ADGRG1: variants seen among roughly 807,000 people sequenced by gnomAD.
ADGRG1 encodes adhesion G protein-coupled receptor G1, also known as 7-transmembrane protein with no EGF-like N-terminal domains-1.
ADGRG1 carries 53 observed loss-of-function variants against 73.5 expected under a neutral mutation model. The observed-to-expected ratio is 0.72, with a 90% CI of 0.58 to 0.91. ADGRG1 has a LOEUF of 0.91. ADGRG1 is among the 40% of genes least tolerant of loss of function. The pLI, the probability that ADGRG1 is intolerant of heterozygous loss-of-function variation, is 0.00. For synonymous variants in ADGRG1, 394 were observed against 374.4 expected, an observed-to-expected ratio of 1.05 and a Z score of -0.60; for missense variants, 795 against 871.8, an observed-to-expected ratio of 0.91 and a Z score of 1.11.
chr16:57,660,523 G>GC (rs1567813438), intron 11 of ADGRG1: 1 of 746,778 alleles, frequency 1.3e-6, no homozygotes, highest in Non-Finnish European at 1.6e-6. Flanking sequence ...TCTCCCAGGG[G>GC]CCCCCAGGGT....
chr16:57,651,079 C>T, intron 2 of ADGRG1, 121 bp from the exon 3 acceptor site: 1 of 1,594,632 alleles, frequency 6.3e-7, no homozygotes. Flanking sequence ...TTTGTAGACC[C>T]TTGGAATGTG....
chr16:57,637,820 C>T (rs1292508775), intron 1 of ADGRG1: 1 of 489,146 alleles, frequency 2.0e-6, no homozygotes, highest in African/African-American at 2.1e-5. Flanking sequence ...TGCCAGAAAT[C>T]ATCCCAAAGC....
rs1252613333 is a variant in ADGRG1 at position 57,633,073 on chromosome 16, C to G, written c.-36+4271C>G. ...GATGCTCAAGGCCCATGGGGGAAAG[C>G]TGACTTTTGAGAGGAGCTGTGGAGA... On this transcript the variant is annotated intron_variant, in intron 1 of 13. Coordinates refer to ENST00000562631, the MANE Select transcript of ADGRG1 (RefSeq NM_201525.4). 4 of 575,008 alleles carry G rather than the reference C, an allele frequency of 7.0e-6. No homozygotes were observed. In the African/African-American group the frequency reaches 8.1e-5, roughly 12 times the overall value. The allele number at this position is 575,008 out of a possible 1,614,324, so 35.6% of individuals were successfully genotyped here. A position where few individuals can be genotyped will look rare whatever the true frequency, so the allele number is the denominator to read the frequency against.
chr16:57,644,930 C>A (rs1567723232), intron 1 of ADGRG1: 1 of 254,394 alleles, frequency 3.9e-6, no homozygotes, highest in Admixed American at 6.6e-5. Context: ...TGCACACACA[C>A]ACTCATGCAC....
At chr16:57,631,312 C>T (rs13332359) in intron 1 of ADGRG1, 256,212 of 985,342 alleles carry the variant, frequency 0.26, 34,036 homozygotes, top group East Asian at 0.4. Context: ...CACTGCGGAC[C>T]GTCCTCCAGC....
intron 5 of ADGRG1, among the ~76,000 whole-genome samples, chr16:57,654,615 C>T (rs139434514): frequency 5.9e-5 from 9 of 152,120 alleles, no homozygotes; most frequent in South Asian, 4.1e-4. Context: ...TGCAGTGGCT[C>T]ACATCTGTAA....
chr16:57,628,354 C>A, upstream of ADGRG1: 2 of 375,302 alleles, frequency 5.3e-6, no homozygotes, highest in Non-Finnish European at 3.7e-6. Flanking sequence ...GCTGAGGAAG[C>A]AGAGTGATCC....
chr16:57,652,093 G>A, intron 3 of ADGRG1: 1 of 1,041,998 alleles, frequency 9.6e-7, no homozygotes, highest in Non-Finnish European at 1.2e-6. Flanking sequence ...GCCAATGGGA[G>A]AGCCAGGATT....
chr16:57,644,802 ACTCAT>A (rs1567722008), intron 1 of ADGRG1, among the ~76,000 whole-genome samples: 1 of 142,626 alleles, frequency 7.0e-6, no homozygotes. Flanking sequence ...ATGGGCACAC[ACTCAT>A]CACTCCTCAC....
At chr16:57,647,910 C>T (rs954742104) in intron 1 of ADGRG1, 3 of 277,996 alleles carry the variant, frequency 1.1e-5, no homozygotes, top group Non-Finnish European at 1.6e-5. Flanking sequence ...CTCCTTTACT[C>T]TCAAGGGCCA....
chr16:57,648,995 G>A (rs772271983), intron 1 of ADGRG1, among the ~76,000 whole-genome samples: 1 of 152,264 alleles, frequency 6.6e-6, no homozygotes, highest in Non-Finnish European at 1.5e-5. Flanking sequence ...GAGGGTTGGA[G>A]TGGGAATCAA....
chr16:57,630,037 T>C (rs1283139326), intron 1 of ADGRG1: 1 of 982,848 alleles, frequency 1.0e-6, no homozygotes, highest in Non-Finnish European at 1.2e-6. Flanking sequence ...GCTCCTTCAG[T>C]GGACCAAGAA....
rs2046921327 is a variant in ADGRG1, at chr16:57,660,867, A to G, written c.1655A>G (p.Tyr552Cys). The G allele has an allele frequency of 6.3e-7, 1 of 1,580,688 alleles. No individual in the cohort carries two copies. The highest frequency in any genetic ancestry group is 8.7e-7 in the Non-Finnish European group (1 of 1,149,770). The change falls in exon 12 of 14, where the codon TAC becomes TGC. Residue 552 changes from tyrosine (Y) to cysteine (C), a missense_variant. Coordinates refer to ENST00000562631, the MANE Select transcript of ADGRG1 (RefSeq NM_201525.4). ...AVHRTPEGVI[Y>C]PSMCWIRDSL... is the part of the protein sequence containing the mutation. ...CATAGGACTCCAGAGGGCGTCATCTACCCTTCCATGTGAGTGGCTGTGTGC... is the reference window on the plus strand; with the variant it reads ...CATAGGACTCCAGAGGGCGTCATCTGCCCTTCCATGTGAGTGGCTGTGTGC...
At chr16:57,649,126 C>T (rs548499016) in intron 1 of ADGRG1, among the ~76,000 whole-genome samples, 3 of 152,334 alleles carry the variant, frequency 2.0e-5, no homozygotes, top group East Asian at 3.9e-4. Flanking sequence ...ATACCGAGTC[C>T]TTGTCCCCAG....
At chr16:57,633,815 C>G (rs1238947860) in intron 1 of ADGRG1, among the ~76,000 whole-genome samples, 1 of 152,174 alleles carries the variant, frequency 6.6e-6, no homozygotes, top group Non-Finnish European at 1.5e-5. Context: ...ACAATGGTGC[C>G]ATCCTCCCAG....
intron 1 of ADGRG1, chr16:57,643,650 C>T (rs1229944263): frequency 7.1e-6 from 7 of 984,118 alleles, no homozygotes; most frequent in East Asian, 1.1e-4. Flanking sequence ...TGCCAGCCTC[C>T]GAGGCAGGCA....
Position 57,661,805 on chromosome 16 carries a change from G to A in ADGRG1, c.1773G>A (p.Leu591=), listed in dbSNP as rs759182024. 1.2e-6 allele frequency: 2 copies of A among 1,614,254 alleles called. No homozygotes were observed. Among genetic ancestry groups the A allele is most frequent in the East Asian group, 2.2e-5 (1 of 44,892 alleles). Residue 591 remains leucine, a synonymous_variant, in exon 13 of 14, where the codon CTG becomes CTA. Transcript: ENST00000562631. ...TAGCCACCATGGTGGTGCAGATCCT[G>A]CGGCTGCGCCCCCACACCCAAAAGT... is the stretch of plus-strand genomic sequence containing the variant. ...AMLATMVVQI[L]RLRPHTQKWS...
chr16:57,658,367 G>A (rs1229615877), intron 10 of ADGRG1, among the ~76,000 whole-genome samples: 11 of 152,232 alleles, frequency 7.2e-5, no homozygotes, highest in African/African-American at 2.7e-4. Context: ...GGAAGTGGCA[G>A]AGGTCAGATT....
At chr16:57,661,525 A>T in intron 12 of ADGRG1, 172 bp from the exon 13 acceptor site, 2 of 984,088 alleles carry the variant, frequency 2.0e-6, no homozygotes, top group Non-Finnish European at 2.4e-6. Flanking sequence ...TCCTTTAAAC[A>T]ATCTGACTTG....
Sources: gnomAD v4.1 joint callset for allele counts (sites outside exome capture counted in the v4.1 genomes callset) on GRCh38, gnomAD v4.1.1 for gene constraint, MANE v1.5 for transcripts, NCBI Gene and HGNC (gene_info 2026-07-23, HGNC 2026-07-21) for gene names.